ARHGAP29: variants seen among roughly 807,000 people sequenced by gnomAD.
ARHGAP29 encodes Rho GTPase activating protein 29.
In ARHGAP29, 43 loss-of-function variants were observed where a neutral mutation model predicts 122.6. That is an observed-to-expected ratio of 0.35 (90% confidence interval 0.27 to 0.45). The LOEUF is 0.45. ARHGAP29 is among the 20% of genes least tolerant of loss of function. The pLI is 1.00. For missense variants in ARHGAP29, 1,303 were observed against 1,477.2 expected, an observed-to-expected ratio of 0.88 and a Z score of 1.93; for synonymous variants, 506 against 497.1, an observed-to-expected ratio of 1.02 and a Z score of -0.24.
intron 12 of ARHGAP29, among the ~76,000 whole-genome samples, chr1:94,199,468 AGACT>A (rs1650700349): frequency 6.6e-6 from 1 of 152,164 alleles, no homozygotes; most frequent in Non-Finnish European, 1.5e-5. Context: ...GGCCAATGAG[AGACT>A]GACTCTCTCT....
intron 5 of ARHGAP29, among the ~76,000 whole-genome samples, chr1:94,207,832 ATTT>A (rs561446806): frequency 6.8e-6 from 1 of 146,568 alleles, no homozygotes; most frequent in African/African-American, 2.5e-5. Context: ...CAAATATTTG[ATTT>A]TTTTTTTTGT....
chr1:94,303,780 C>G, the ARHGAP29 span, among the ~76,000 whole-genome samples: 3 of 152,108 alleles, frequency 2.0e-5, no homozygotes, highest in African/African-American at 7.2e-5. Flanking sequence ...GTGGTCCAAG[C>G]CCACCCAGCT....
At chr1:94,257,335 G>C (rs905187900) in intron 1 of ARHGAP29, among the ~76,000 whole-genome samples, 1 of 152,090 alleles carries the variant, frequency 6.6e-6, no homozygotes, top group African/African-American at 2.4e-5. Flanking sequence ...CCTGGAGGTG[G>C]AGGTTGCAGT....
At chr1:94,280,564 A>G in the ARHGAP29 span, among the ~76,000 whole-genome samples, 1 of 152,238 alleles carries the variant, frequency 6.6e-6, no homozygotes, top group Non-Finnish European at 1.5e-5. Flanking sequence ...TAGAATTTCT[A>G]AAGGAGGAGA....
At chr1:94,268,908 T>G (rs1277298840) in intron 1 of ARHGAP29, among the ~76,000 whole-genome samples, 1 of 152,154 alleles carries the variant, frequency 6.6e-6, no homozygotes, top group African/African-American at 2.4e-5. Flanking sequence ...TAGTGACTAT[T>G]TTTGTATGTA....
intron 12 of ARHGAP29, among the ~76,000 whole-genome samples, chr1:94,201,125 A>C (rs1396153722): frequency 1.3e-5 from 2 of 149,974 alleles, no homozygotes; most frequent in African/African-American, 5.0e-5. Flanking sequence ...TATTTAATTT[A>C]CTCCAATTCT....
At chr1:94,231,088 T>G (rs1287176189) in intron 2 of ARHGAP29, among the ~76,000 whole-genome samples, 1 of 152,070 alleles carries the variant, frequency 6.6e-6, no homozygotes, top group Non-Finnish European at 1.5e-5. Flanking sequence ...ATCAATGCAC[T>G]GTGTTACCAT....
chr1:94,208,465 CT>C (rs1183800081), intron 5 of ARHGAP29, among the ~76,000 whole-genome samples: 45 of 145,480 alleles, frequency 3.1e-4, no homozygotes, highest in African/African-American at 2.3e-4. Flanking sequence ...AGCAATTTTT[CT>C]TTTTTTTTTT....
intron 3 of ARHGAP29, among the ~76,000 whole-genome samples, chr1:94,215,334 A>C (rs528416298): frequency 3.3e-5 from 5 of 151,892 alleles, no homozygotes; most frequent in African/African-American, 4.8e-5. Flanking sequence ...CAAAAAAAAA[A>C]CCAGTAGATA....
At chr1:94,246,929 G>C (rs1428367034) in intron 1 of ARHGAP29, among the ~76,000 whole-genome samples, 1 of 152,086 alleles carries the variant, frequency 6.6e-6, no homozygotes, top group Non-Finnish European at 1.5e-5. Context: ...AGAAGGGGAG[G>C]AGTAGGGTGG....
intron 19 of ARHGAP29, 124 bp downstream of exon 19, chr1:94,184,027 A>G: frequency 9.5e-7 from 1 of 1,057,994 alleles, no homozygotes; most frequent in Non-Finnish European, 1.4e-6. Flanking sequence ...ACTAATCATT[A>G]GCAAGATACC....
chr1:94,276,569 C>T (rs1302884388), upstream of ARHGAP29, among the ~76,000 whole-genome samples: 1 of 151,134 alleles, frequency 6.6e-6, no homozygotes, highest in Admixed American at 6.6e-5. Context: ...TCACTTTAGC[C>T]CAGGAGTTTG....
chr1:94,184,029 C>T (rs1451965876), intron 19 of ARHGAP29, 122 bp downstream of exon 19: 2 of 1,081,254 alleles, frequency 1.8e-6, no homozygotes, highest in African/African-American at 1.6e-5. Flanking sequence ...TAATCATTAG[C>T]AAGATACCTA....
intron 12 of ARHGAP29, chr1:94,191,700 G>A (rs1007578160): frequency 2.0e-5 from 3 of 152,106 alleles, no homozygotes; most frequent in Admixed American, 6.6e-5. Context: ...AAGTTAATGT[G>A]CAAATGAATC....
chr1:94,305,930 A>G, the ARHGAP29 span, among the ~76,000 whole-genome samples: 1 of 152,202 alleles, frequency 6.6e-6, no homozygotes, highest in African/African-American at 2.4e-5. Flanking sequence ...GAAAAAGGCA[A>G]TCACCCTGCC....
At chr1:94,178,196 G>A (rs767007092) in intron 20 of ARHGAP29, 29 bp from the exon 21 acceptor site, 142 of 1,577,694 alleles carry the variant, frequency 9.0e-5, no homozygotes, top group Non-Finnish European at 9.5e-5. Context: ...AAAGTTGTAT[G>A]AGATTTTCCT....
the ARHGAP29 span, among the ~76,000 whole-genome samples, chr1:94,304,749 G>T: frequency 3.3e-5 from 5 of 152,134 alleles, no homozygotes; most frequent in Non-Finnish European, 7.3e-5. Flanking sequence ...GATTAATGAT[G>T]ACTAGTTCAA....
chr1:94,198,589 A>C (rs1273529814), intron 12 of ARHGAP29, among the ~76,000 whole-genome samples: 1 of 152,190 alleles, frequency 6.6e-6, no homozygotes, highest in Non-Finnish European at 1.5e-5. Context: ...AGCCCCCCCA[A>C]ATAAACACAT....
chr1:94,283,884 C>T, the ARHGAP29 span, among the ~76,000 whole-genome samples: 1 of 152,222 alleles, frequency 6.6e-6, no homozygotes, highest in South Asian at 2.1e-4. Context: ...TATCGGTACC[C>T]AGAGATTTTC....
Sources: allele counts gnomAD v4.1 joint callset (sites outside exome capture counted in the v4.1 genomes callset), GRCh38; gene constraint gnomAD v4.1.1; transcripts MANE v1.5; gene names NCBI Gene and HGNC (gene_info 2026-07-23, HGNC 2026-07-21).